The following MAN1A1 variants were observed in gnomAD, a reference collection of about 807,000 sequenced individuals.
MAN1A1 encodes the protein mannosidase alpha class 1A member 1.
MAN1A1 carries 29 observed loss-of-function variants against 70.8 expected under a neutral mutation model. That is an observed-to-expected ratio of 0.41 (90% CI 0.31 to 0.56). MAN1A1 has a LOEUF of 0.56. MAN1A1 is among the 20% of genes least tolerant of loss of function. MAN1A1 has a pLI of 0.29. For missense variants in MAN1A1, 747 were observed against 841.3 expected, an observed-to-expected ratio of 0.89 and a Z score of 1.39; for synonymous variants, 349 against 330.1, an observed-to-expected ratio of 1.06 and a Z score of -0.62.
intron 5 of MAN1A1, among the ~76,000 whole-genome samples, chr6:119,268,114 T>C (rs1200666258): frequency 6.6e-6 from 1 of 152,218 alleles, no homozygotes; most frequent in East Asian, 1.9e-4. Context: ...CATTAATTCA[T>C]CAGGAGTTGT....
At position 119,325,394 on chromosome 6, in the gene MAN1A1, A is replaced by G. The variant is rs893032871; in HGVS notation, c.604-18402T>C. ...GTAGTCTGGCAAGACATGGTGGCTC[A>G]CACCTATAATCCCAGCACTTTGGGA... On this transcript the variant is annotated intron_variant, in intron 2 of 12. Transcript: ENST00000368468. Among the ~76,000 whole-genome samples, 28 of 152,340 alleles carry G rather than the reference A, an allele frequency of 1.8e-4. 1 individual carries two copies. The highest frequency in any genetic ancestry group is 1.0e-3 in the South Asian group (5 of 4,830).
chr6:119,299,447 T>C (rs913073356), intron 4 of MAN1A1, among the ~76,000 whole-genome samples: 2 of 152,124 alleles, frequency 1.3e-5, no homozygotes, highest in Non-Finnish European at 2.9e-5. Context: ...TTGAAATATG[T>C]ATATTTAATT....
chr6:119,346,577 C>G (rs1482916048), intron 2 of MAN1A1, among the ~76,000 whole-genome samples: 1 of 152,154 alleles, frequency 6.6e-6, no homozygotes, highest in Non-Finnish European at 1.5e-5. Context: ...TAATTAAGAC[C>G]TTGTGATTTA....
At chr6:119,227,244 T>A (rs1312488728) in intron 6 of MAN1A1, among the ~76,000 whole-genome samples, 1 of 152,176 alleles carries the variant, frequency 6.6e-6, no homozygotes, top group African/African-American at 2.4e-5. Context: ...CAGCAACATA[T>A]CAGTGGTTGC....
At chr6:119,300,885 G>A (rs964044531) in intron 4 of MAN1A1, among the ~76,000 whole-genome samples, 4 of 152,112 alleles carry the variant, frequency 2.6e-5, no homozygotes, top group African/African-American at 9.7e-5. Context: ...CAATTAATTA[G>A]GGGAGTAGAA....
At chr6:119,256,995 G>A (rs1775477427) in intron 5 of MAN1A1, among the ~76,000 whole-genome samples, 1 of 152,160 alleles carries the variant, frequency 6.6e-6, no homozygotes, top group Non-Finnish European at 1.5e-5. Context: ...ACCATAGGTA[G>A]AGAATAAATT....
rs1420393123 is a variant in MAN1A1 at position 119,333,073 on chromosome 6, C to T, written c.603+15390G>A. ...GTTTGGTTTATTACCTTCAAATCAG[C>T]CCCTGAAAATGCTGTCTGCAAAAAT... On this transcript the variant is annotated intron_variant, in intron 2 of 12. Coordinates refer to ENST00000368468, the MANE Select transcript of MAN1A1 (RefSeq NM_005907.4). Among the ~76,000 whole-genome samples the T allele has an allele frequency of 2.6e-5, 4 of 152,122 alleles. No homozygotes were observed. The East Asian group carries it at 5.8e-4, about 22-fold the overall frequency.
chr6:119,336,809 T>C (rs1314774730), intron 2 of MAN1A1, among the ~76,000 whole-genome samples: 3 of 152,108 alleles, frequency 2.0e-5, no homozygotes, highest in Admixed American at 2.0e-4. Flanking sequence ...TTTGCCAAAA[T>C]GGAAACAAAA....
At chr6:119,308,051 T>C (rs1340785382) in intron 2 of MAN1A1, among the ~76,000 whole-genome samples, 6 of 152,342 alleles carry the variant, frequency 3.9e-5, no homozygotes, top group Admixed American at 6.5e-5. Flanking sequence ...ATCAGTACTA[T>C]CTGCTAAGTA....
intron 5 of MAN1A1, among the ~76,000 whole-genome samples, chr6:119,258,392 A>G (rs1775516124): frequency 6.6e-6 from 1 of 152,212 alleles, no homozygotes; most frequent in East Asian, 1.9e-4. Flanking sequence ...TGTACTGAAC[A>G]CGTATAGACT....
chr6:119,181,492 G>A (rs1773154110), intron 11 of MAN1A1, among the ~76,000 whole-genome samples: 1 of 149,656 alleles, frequency 6.7e-6, no homozygotes, highest in Non-Finnish European at 1.5e-5. Context: ...AAGATGGGAT[G>A]ACTCCACTGA....
intron 6 of MAN1A1, among the ~76,000 whole-genome samples, chr6:119,213,857 T>C (rs1431433549): frequency 2.0e-5 from 3 of 152,270 alleles, no homozygotes; most frequent in Non-Finnish European, 2.9e-5. Context: ...AATATTTTCA[T>C]GTATTGATAC....
At chr6:119,348,364 A>G in intron 2 of MAN1A1, 99 bp downstream of exon 2, 2 of 1,218,026 alleles carry the variant, frequency 1.6e-6, no homozygotes, top group Non-Finnish European at 2.3e-6. Context: ...CCATCTCCCC[A>G]TACATTGCAT....
intron 2 of MAN1A1, among the ~76,000 whole-genome samples, chr6:119,325,204 G>A (rs1479943891): frequency 1.3e-5 from 2 of 152,206 alleles, no homozygotes; most frequent in Non-Finnish European, 2.9e-5. Context: ...CTGAGGTATA[G>A]GGAGGTTAAG....
chr6:119,298,074 T>C (rs527262308), intron 4 of MAN1A1, among the ~76,000 whole-genome samples: 2 of 152,324 alleles, frequency 1.3e-5, no homozygotes, highest in East Asian at 1.9e-4. Flanking sequence ...CCTTAGAAGA[T>C]ACTTAGTAAA....
chr6:119,259,958 C>T (rs933243118), intron 5 of MAN1A1, among the ~76,000 whole-genome samples: 2 of 152,058 alleles, frequency 1.3e-5, no homozygotes, highest in Non-Finnish European at 2.9e-5. Context: ...CTATTAACAT[C>T]TTAAGTGTCT....
Position 119,332,627 on chromosome 6 carries a change from G to A in MAN1A1, c.603+15836C>T, listed in dbSNP as rs539990525. Among the ~76,000 whole-genome samples, 5 of 152,152 alleles carry A rather than the reference G, an allele frequency of 3.3e-5. No individual in the cohort carries two copies. The South Asian group carries it at 1.0e-3, about 32-fold the overall frequency. On this transcript the variant is annotated intron_variant, in intron 2 of 12. Coordinates refer to ENST00000368468, the MANE Select transcript of MAN1A1 (RefSeq NM_005907.4). ...AGGTCAGGAGTTGGAGACCAGCCTG[G>A]CCAACATGGTGAAACCTGGTCTCTA... is the stretch of plus-strand genomic sequence containing the variant.
intron 5 of MAN1A1, 52 bp downstream of exon 5, chr6:119,290,631 T>C: frequency 7.9e-7 from 1 of 1,272,022 alleles, no homozygotes; most frequent in Non-Finnish European, 1.1e-6. Flanking sequence ...TTACCAAAAA[T>C]GTAGTTTAAG....
At chr6:119,279,026 A>T (rs955575641) in intron 5 of MAN1A1, among the ~76,000 whole-genome samples, 3 of 152,160 alleles carry the variant, frequency 2.0e-5, no homozygotes, top group African/African-American at 7.2e-5. Context: ...AAAATGGACT[A>T]ACACAGCCAT....
Sources: allele counts gnomAD v4.1 joint callset (sites outside exome capture counted in the v4.1 genomes callset), GRCh38; gene constraint gnomAD v4.1.1; transcripts MANE v1.5; gene names NCBI Gene and HGNC (gene_info 2026-07-23, HGNC 2026-07-21).